The following DHDDS variants were observed in gnomAD, a reference collection of about 807,000 sequenced individuals.
DHDDS encodes the protein dehydrodolichyl diphosphate synthase complex subunit DHDDS.
A neutral mutation model predicts 46.2 loss-of-function variants in DHDDS; 16 were observed. That is an observed-to-expected ratio of 0.35 (90% CI 0.23 to 0.53). The LOEUF (loss-of-function observed/expected upper bound fraction) is 0.53, where lower values mean the gene tolerates loss of function less well. Ranked by LOEUF, DHDDS falls within the 20% of genes least tolerant of loss-of-function variation. The pLI is 0.94. For missense variants in DHDDS, 340 were observed against 423.7 expected, an observed-to-expected ratio of 0.80 and a Z score of 1.73; for synonymous variants, 151 against 163.1, an observed-to-expected ratio of 0.93 and a Z score of 0.56.
chr1:26,438,393 T>C, intron 3 of DHDDS, 109 bp downstream of exon 3: 2 of 1,011,992 alleles, frequency 2.0e-6, no homozygotes, highest in Non-Finnish European at 3.1e-6. Flanking sequence ...TTTGTATCTG[T>C]CTCTGTGTTT....
rs1288831135 is a variant in DHDDS, at chr1:26,469,526, A to C, written c.*395A>C. 2 of 271,700 alleles carry C rather than the reference A, an allele frequency of 7.4e-6. No individual in the cohort carries two copies. The highest frequency in any genetic ancestry group is 4.6e-5 in the Admixed American group (1 of 21,926). The allele number at this position is 271,700 out of a possible 1,614,324, so 16.8% of individuals were successfully genotyped here. ...CTTTACCCTTCCATTTTAGCCTTCCACCCAGCTTCCACAAAAGATTTGGCT... is the reference window on the plus strand; with the variant it reads ...CTTTACCCTTCCATTTTAGCCTTCCCCCCAGCTTCCACAAAAGATTTGGCT... On this transcript the variant is annotated 3_prime_UTR_variant, in exon 9 of 9. Coordinates refer to ENST00000236342, the MANE Select transcript of DHDDS (RefSeq NM_205861.3).
chr1:26,437,674 C>T (rs966861483), intron 2 of DHDDS, among the ~76,000 whole-genome samples: 4 of 151,908 alleles, frequency 2.6e-5, no homozygotes, highest in African/African-American at 7.3e-5. Flanking sequence ...CTGGGTTTCG[C>T]CATGTTGGCC....
At chr1:26,452,152 C>T (rs1275669911) in intron 6 of DHDDS, among the ~76,000 whole-genome samples, 5 of 152,066 alleles carry the variant, frequency 3.3e-5, no homozygotes, top group Non-Finnish European at 7.4e-5. Flanking sequence ...CTCAAGAGAT[C>T]CTTCCACCTC....
chr1:26,447,179 G>A (rs1228958276), intron 5 of DHDDS, among the ~76,000 whole-genome samples: 1 of 152,092 alleles, frequency 6.6e-6, no homozygotes, highest in African/African-American at 2.4e-5. Context: ...AATTAGCCAG[G>A]TGTGGTGGTG....
rs2075522425 is a variant in DHDDS, at chr1:26,468,981, G to T, written c.852G>T (p.Glu284Asp). Reference sequence around the variant, plus strand: ...CAGTGACAGAGCAGCTGCTGCGAGAGGGGCTCCAAGCCAGTGGGGACGCCC... The same window carrying T: ...CAGTGACAGAGCAGCTGCTGCGAGATGGGCTCCAAGCCAGTGGGGACGCCC... ...QATVTEQLLR[E>D]GLQASGDAQL... Residue 284 changes from glutamate (E) to aspartate (D), a missense_variant, in exon 9 of 9, where the codon GAG becomes GAT. By Grantham distance (45) the Glu-to-Asp change is conservative (BLOSUM62 2). Transcript: ENST00000236342. The T allele has an allele frequency of 9.3e-6, 15 of 1,614,174 alleles. No homozygotes were observed. Among genetic ancestry groups the T allele is most frequent in the Non-Finnish European group, 1.3e-5 (15 of 1,180,044 alleles).
chr1:26,449,032 A>C (rs1337247065), intron 6 of DHDDS, among the ~76,000 whole-genome samples: 1 of 152,154 alleles, frequency 6.6e-6, no homozygotes, highest in African/African-American at 2.4e-5. Context: ...CAGCTGGGTG[A>C]CATTTCTCTG....
intron 6 of DHDDS, chr1:26,454,515 G>A: frequency 1.8e-6 from 1 of 551,318 alleles, no homozygotes; most frequent in Non-Finnish European, 3.2e-6. Flanking sequence ...AGTTCCCAAA[G>A]TGCACTCAAA....
At chr1:26,461,454 C>A (rs370189962) in intron 8 of DHDDS, among the ~76,000 whole-genome samples, 240 of 149,670 alleles carry the variant, frequency 1.6e-3, no homozygotes, top group Admixed American at 5.5e-3. Context: ...GGCGCAATCT[C>A]GGCTCACCGA....
At chr1:26,433,493 T>TA (rs1227608015) in intron 2 of DHDDS, among the ~76,000 whole-genome samples, 4 of 151,474 alleles carry the variant, frequency 2.6e-5, no homozygotes, top group Non-Finnish European at 4.4e-5. Flanking sequence ...TCCAAAAAAT[T>TA]AAAAAAATAG....
intron 6 of DHDDS, chr1:26,455,217 A>C (rs1049893359): frequency 1.4e-6 from 1 of 707,206 alleles, no homozygotes; most frequent in Non-Finnish European, 2.6e-6. Context: ...CCGCTTAGGG[A>C]AAGAGCAAAT....
intron 6 of DHDDS, among the ~76,000 whole-genome samples, chr1:26,454,050 T>C (rs1308028950): frequency 1.3e-5 from 2 of 152,024 alleles, no homozygotes; most frequent in Non-Finnish European, 2.9e-5. Flanking sequence ...GCCTCCCGGG[T>C]TCACGCCATT....
rs1299027778 is a variant in DHDDS at position 26,469,309 on chromosome 1, G to A, written c.*178G>A. 2 of 1,164,572 alleles carry A rather than the reference G, an allele frequency of 1.7e-6. No individual in the cohort carries two copies. The highest frequency in any genetic ancestry group is 1.4e-5 in the South Asian group (1 of 72,852). 72.1% of individuals were successfully genotyped at this position (1,164,572 alleles called of 1,614,324 possible). ...AGATACCTTTGGGCTGCCTGGGACAGGCTCCTGAGGAGGATTGAGGGTGAA... is the reference window on the plus strand; with the variant it reads ...AGATACCTTTGGGCTGCCTGGGACAAGCTCCTGAGGAGGATTGAGGGTGAA... On this transcript the variant is annotated 3_prime_UTR_variant, in exon 9 of 9. Coordinates refer to ENST00000236342, the MANE Select transcript of DHDDS (RefSeq NM_205861.3).
intron 1 of DHDDS, 87 bp from the exon 2 acceptor site, chr1:26,432,804 C>T: frequency 3.8e-6 from 3 of 792,246 alleles, no homozygotes; most frequent in Non-Finnish European, 4.4e-6. Flanking sequence ...GCTGGCTGCT[C>T]TCCATAGTCC....
chr1:26,438,458 C>A, intron 3 of DHDDS, 174 bp downstream of exon 3: 1 of 639,616 alleles, frequency 1.6e-6, no homozygotes, highest in Non-Finnish European at 2.8e-6. Flanking sequence ...GACGTGGTTG[C>A]TTTTGCCTCT....
At position 26,470,734 on chromosome 1, in the gene DHDDS, A is replaced by C. The variant is rs558721794; in HGVS notation, c.*1603A>C. The C allele has an allele frequency of 4.6e-5, 7 of 152,650 alleles. No homozygotes were observed. The highest frequency in any genetic ancestry group is 1.0e-4 in the Non-Finnish European group (7 of 68,068). The allele number at this position is 152,650 out of a possible 1,614,324, so 9.5% of individuals were successfully genotyped here. A position where few individuals can be genotyped will look rare whatever the true frequency, so the allele number is the denominator to read the frequency against. Reference sequence around the variant, plus strand: ...GCACTCCCCTCTACCAATCCCTGGCACAGGGTTCCTGGAGAGCAGGTGCTG... The same window carrying C: ...GCACTCCCCTCTACCAATCCCTGGCCCAGGGTTCCTGGAGAGCAGGTGCTG... On this transcript the variant is annotated 3_prime_UTR_variant, in exon 9 of 9. Transcript: ENST00000236342.
intron 5 of DHDDS, among the ~76,000 whole-genome samples, chr1:26,446,705 T>TGTGTGG (rs1553121928): frequency 1.3e-5 from 2 of 150,496 alleles, no homozygotes; most frequent in Admixed American, 6.6e-5. Context: ...TGTGTGTGTG[T>TGTGTGG]GTGGGTGTGT....
Position 26,460,116 on chromosome 1 carries a change from A to C in DHDDS, c.737A>C (p.Gln246Pro), listed in dbSNP as rs2075407617. 6.2e-7 allele frequency: 1 copy of C among 1,614,076 alleles called. No homozygotes were observed. Among genetic ancestry groups the C allele is most frequent in the African/African-American group, 1.3e-5 (1 of 74,934 alleles). ...TFWNLFEAIL[Q>P]FQMNHSVLQK... ...TGGAACCTCTTCGAGGCCATCCTGC[A>C]GTTCCAGATGAACCATAGCGTGCTT... The change falls in exon 8 of 9, where the codon CAG (glutamine) becomes CCG (proline). Residue 246 changes from glutamine (Q) to proline (P), a missense_variant. Physicochemically the swap from Gln to Pro is moderately conservative, Grantham distance 76. Coordinates refer to ENST00000236342, the MANE Select transcript of DHDDS (RefSeq NM_205861.3).
chr1:26,441,895 T>TA (rs71581065), intron 3 of DHDDS, among the ~76,000 whole-genome samples: 22,193 of 123,836 alleles, frequency 0.18, 2,182 homozygotes, highest in Admixed American at 0.33. Flanking sequence ...GACTCCAGCT[T>TA]AAAAAAAAAA....
In DHDDS at chr1:26,438,046, AC is replaced by A. The variant is rs754942979; in HGVS notation, c.64-119del. Reference sequence around the variant, plus strand: ...TTTTACTGAGTTAAAAGCACAAAGTACCCAATTCCCTTCGTCAGGGTTTTCA... The same window carrying A: ...TTTTACTGAGTTAAAAGCACAAAGTACCAATTCCCTTCGTCAGGGTTTTCA... On this transcript the variant is annotated intron_variant, in intron 2 of 8. Coordinates refer to ENST00000236342, the MANE Select transcript of DHDDS (RefSeq NM_205861.3). The A allele has an allele frequency of 3.9e-5, 37 of 957,274 alleles. 1 individual carries two copies. The highest frequency in any genetic ancestry group is 6.1e-5 in the Non-Finnish European group (36 of 591,048). 59.3% of individuals were successfully genotyped at this position (957,274 alleles called of 1,614,324 possible). A position where few individuals can be genotyped will look rare whatever the true frequency, so the allele number is the denominator to read the frequency against.
Sources: gnomAD v4.1 joint callset for allele counts (sites outside exome capture counted in the v4.1 genomes callset) on GRCh38, gnomAD v4.1.1 for gene constraint, MANE v1.5 for transcripts, NCBI Gene and HGNC (gene_info 2026-07-23, HGNC 2026-07-21) for gene names.